ZBTB10: variants seen among roughly 807,000 people sequenced by gnomAD.
ZBTB10 encodes zinc finger and BTB domain containing 10.
ZBTB10 carries 32 observed loss-of-function variants against 76.4 expected under a neutral mutation model. The ratio of observed to expected loss-of-function variants is 0.42; its 90% CI spans 0.32 to 0.56. The LOEUF (loss-of-function observed/expected upper bound fraction) is 0.56, where lower values mean the gene tolerates loss of function less well. Ranked by LOEUF, ZBTB10 falls within the 20% of genes least tolerant of loss-of-function variation. The pLI is 0.14. For synonymous variants in ZBTB10, 523 were observed against 432.9 expected (o/e 1.21, Z -2.58); for missense variants, 1,057 against 1,098.5 (o/e 0.96, Z 0.53).
At chr8:80,513,300 A>C (rs1364261231) in intron 2 of ZBTB10, among the ~76,000 whole-genome samples, 1 of 151,960 alleles carries the variant, frequency 6.6e-6, no homozygotes. Flanking sequence ...GTGCCACCAC[A>C]CTTGGTTAAT....
chr8:80,496,877 C>T (rs1449046198), intron 1 of ZBTB10, among the ~76,000 whole-genome samples: 2 of 152,162 alleles, frequency 1.3e-5, no homozygotes, highest in Admixed American at 1.3e-4. Flanking sequence ...AATATTCATA[C>T]AATATTCATG....
intron 1 of ZBTB10, among the ~76,000 whole-genome samples, chr8:80,493,855 A>G (rs1427823071): frequency 6.6e-6 from 1 of 152,102 alleles, no homozygotes; most frequent in Non-Finnish European, 1.5e-5. Context: ...AACCTGAATA[A>G]CCATCGTCTG....
At chr8:80,485,999 C>T, upstream of ZBTB10, 1 of 1,151,044 alleles carries the variant, frequency 8.7e-7, no homozygotes, top group Non-Finnish European at 1.2e-6. Flanking sequence ...CCCAGCCCGC[C>T]GCCCGGCCTT....
intron 1 of ZBTB10, 66 bp from the exon 2 acceptor site, chr8:80,499,428 C>T: frequency 7.0e-7 from 1 of 1,430,078 alleles, no homozygotes; most frequent in East Asian, 2.3e-5. Context: ...TAATTGTTTT[C>T]CTTGGTTTGG....
At chr8:80,499,349 C>CCACT (rs1815864677) in intron 1 of ZBTB10, 145 bp from the exon 2 acceptor site, 1 of 840,276 alleles carries the variant, frequency 1.2e-6, no homozygotes, top group Non-Finnish European at 1.7e-6. Flanking sequence ...GGTTGCACCA[C>CCACT]CACTGTTCAC....
chr8:80,506,695 G>C (rs976862991), intron 2 of ZBTB10, among the ~76,000 whole-genome samples: 1 of 152,012 alleles, frequency 6.6e-6, no homozygotes, highest in African/African-American at 2.4e-5. Context: ...TTTCATTATA[G>C]GGTGCTACTC....
chr8:80,518,660 T>G, intron 4 of ZBTB10, 81 bp downstream of exon 4: 1 of 1,486,292 alleles, frequency 6.7e-7, no homozygotes, highest in Admixed American at 2.5e-5. Flanking sequence ...CTGCATTTTT[T>G]AAAAACCAAG....
intron 1 of ZBTB10, among the ~76,000 whole-genome samples, chr8:80,493,193 A>ACGCG (rs1199081931): frequency 0.02 from 2,496 of 123,974 alleles, 34 homozygotes; most frequent in African/African-American, 0.049. Context: ...GTGCCTCAAA[A>ACGCG]CGCGCGCGCG....
At position 80,518,507 on chromosome 8, in the gene ZBTB10, C is replaced by G; in HGVS notation, c.2065C>G (p.Pro689Ala). 6.4e-7 allele frequency: 1 copy of G among 1,553,276 alleles called. No homozygotes were observed. Among genetic ancestry groups the G allele is most frequent in the African/African-American group, 1.4e-5 (1 of 73,344 alleles). Residue 689 changes from proline to alanine, a missense_variant, in exon 4 of 6, where the codon CCA becomes GCA. Around this residue, in one of 5 missense-constraint regions of ZBTB10, gnomAD observed 306 missense variants for 297.5 expected, o/e 1.03. Transcript: ENST00000455036. ...AAATGATTTCAAGTATGGATTGATA[C>G]CAGGTGCTTCAAATGATTTCAAGTA... Reference protein sequence around the residue: ...TSNDFKYGLIPGASNDFKYGL... With the variant: ...TSNDFKYGLIAGASNDFKYGL...
rs1239948607 is a variant in ZBTB10, at chr8:80,519,204, T to G, written c.2311-19T>G. On this transcript the variant is annotated intron_variant, in intron 5 of 5. Transcript: ENST00000455036. ...TATATATAATATCCTTATATTGGAT[T>G]TTTTCCCCCTCCAATTAGGTGCATA... The G allele has an allele frequency of 6.2e-7, 1 of 1,606,322 alleles. No individual in the cohort carries two copies. Among genetic ancestry groups the G allele is most frequent in the Admixed American group, 1.7e-5 (1 of 59,148 alleles).
intron 1 of ZBTB10, among the ~76,000 whole-genome samples, chr8:80,497,624 G>A (rs1425901200): frequency 6.6e-6 from 1 of 150,644 alleles, no homozygotes; most frequent in Non-Finnish European, 1.5e-5. Context: ...CTCCAGATTC[G>A]TAGAGTTTTT....
intron 2 of ZBTB10, among the ~76,000 whole-genome samples, chr8:80,510,639 A>AGTGTGGGGGGGTGT (rs60169757): frequency 1.6e-5 from 2 of 125,688 alleles, no homozygotes; most frequent in African/African-American, 6.1e-5. Context: ...TTGTGAAACC[A>AGTGTGGGGGGGTGT]GTGTGTGTGT....
At chr8:80,491,020 A>G (rs966890352) in intron 1 of ZBTB10, among the ~76,000 whole-genome samples, 5 of 152,188 alleles carry the variant, frequency 3.3e-5, no homozygotes, top group Non-Finnish European at 7.3e-5. Flanking sequence ...CCTGACCAAC[A>G]TGGTGAGACC....
At position 80,486,633 on chromosome 8, in the gene ZBTB10, C is replaced by T. The variant is rs1012348175; in HGVS notation, c.-178C>T. On this transcript the variant is annotated 5_prime_UTR_variant, in exon 1 of 6. Transcript: ENST00000455036. Reference sequence around the variant, plus strand: ...CGGCAGCGGCAGCGGACGCGTGCAGCAGACCCGGGAGCGAGCGCGAGCCGG... The same window carrying T: ...CGGCAGCGGCAGCGGACGCGTGCAGTAGACCCGGGAGCGAGCGCGAGCCGG... The T allele has an allele frequency of 4.1e-5, 41 of 988,110 alleles. No individual in the cohort carries two copies. In the African/African-American group the frequency reaches 6.8e-4, roughly 16 times the overall value. The allele number at this position is 988,110 out of a possible 1,614,324, so 61.2% of individuals were successfully genotyped here. A position where few individuals can be genotyped will look rare whatever the true frequency, so the allele number is the denominator to read the frequency against.
At position 80,487,209 on chromosome 8, in the gene ZBTB10, C is replaced by A; in HGVS notation, c.399C>A (p.Leu133=). Residue 133 remains leucine, a synonymous_variant, in exon 1 of 6, where the codon CTC becomes CTA. Transcript: ENST00000455036. ...LAFRGGGGGG[L]GNNGSSRGRP... The stretch of plus-strand genomic sequence containing the variant: ...TCCGAGGCGGCGGCGGCGGGGGTCT[C>A]GGCAACAATGGCAGTAGCCGCGGCC... 6.5e-7 allele frequency: 1 copy of A among 1,544,318 alleles called. No individual in the cohort carries two copies. The highest frequency in any genetic ancestry group is 1.2e-5 in the South Asian group (1 of 83,902).
At chr8:80,510,639 A>AGTGT (rs58749656) in intron 2 of ZBTB10, among the ~76,000 whole-genome samples, 4,368 of 125,700 alleles carry the variant, frequency 0.035, 143 homozygotes, top group East Asian at 0.2. Context: ...TTGTGAAACC[A>AGTGT]GTGTGTGTGT....
Position 80,513,767 on chromosome 8 carries a change from G to A in ZBTB10, c.1862-143G>A, listed in dbSNP as rs1382114911. On this transcript the variant is annotated intron_variant, in intron 2 of 5. Transcript: ENST00000455036. ...CTGTACATGTCTTAGGCTTCTGTGA[G>A]CCTTGTAGTATTGAACACAGTAGAT... 7 of 654,082 alleles carry A rather than the reference G, an allele frequency of 1.1e-5. No individual in the cohort carries two copies. In the East Asian group the frequency reaches 2.1e-4, roughly 20 times the overall value. The allele number at this position is 654,082 out of a possible 1,614,324, so 40.5% of individuals were successfully genotyped here. A position where few individuals can be genotyped will look rare whatever the true frequency, so the allele number is the denominator to read the frequency against.
chr8:80,491,329 G>C (rs1815625344), intron 1 of ZBTB10, among the ~76,000 whole-genome samples: 1 of 152,184 alleles, frequency 6.6e-6, no homozygotes, highest in Non-Finnish European at 1.5e-5. Flanking sequence ...CAACCATATA[G>C]CCTAGGTGTG....
intron 5 of ZBTB10, 122 bp from the exon 6 acceptor site, chr8:80,519,101 A>ACTTTAT: frequency 7.1e-7 from 1 of 1,399,580 alleles, no homozygotes; most frequent in East Asian, 2.5e-5. Context: ...ACTGATAGTG[A>ACTTTAT]GCTTTTTACA....
Sources: gnomAD v4.1 joint callset for allele counts (sites outside exome capture counted in the v4.1 genomes callset) on GRCh38, gnomAD v4.1.1 for gene constraint, gnomAD v4.1.1 regional missense constraint, MANE v1.5 for transcripts, NCBI Gene and HGNC (gene_info 2026-07-23, HGNC 2026-07-21) for gene names.